STAG1: variants seen among roughly 807,000 people sequenced by gnomAD.
STAG1 encodes the protein STAG1 cohesin complex component, also known as cohesin subunit SA-1.
A neutral mutation model predicts 170.9 loss-of-function variants in STAG1; 26 were observed. That is an observed-to-expected ratio of 0.15 (90% CI 0.11 to 0.21). The LOEUF (loss-of-function observed/expected upper bound fraction) is 0.21, where lower values mean the gene tolerates loss of function less well. Ranked by LOEUF, STAG1 falls within the 10% of genes least tolerant of loss-of-function variation. STAG1 has a pLI of 1.00. For missense variants in STAG1, 964 were observed against 1,509.5 expected (o/e 0.64, Z 5.99); for synonymous variants, 514 against 497.7 (o/e 1.03, Z -0.44).
Position 136,417,910 on chromosome 3 carries a change from A to G in STAG1, c.2171T>C (p.Ile724Thr), listed in dbSNP as rs757518149. 1.9e-6 allele frequency: 3 copies of G among 1,614,012 alleles called. No individual in the cohort carries two copies. The South Asian group carries it at 3.3e-5, about 18-fold the overall frequency. Residue 724 changes from isoleucine (I) to threonine (T), a missense_variant, in exon 21 of 34, where the codon ATT (isoleucine) becomes ACT (threonine). Ile to Thr is a moderately conservative substitution (Grantham distance 89). Around this residue, in one of 11 missense-constraint regions of STAG1, gnomAD observed 232 missense variants for 313.0 expected, o/e 0.74. Transcript: ENST00000383202. ...GNCYRLLKTG[I>T]EHGAMPEQIV... is the part of the protein sequence containing the mutation. ...CTGTTCTGGCATGGCTCCATGTTCAATTCCAGTCTTCAATAATCTGTAGCA... is the reference window on the plus strand; with the variant it reads ...CTGTTCTGGCATGGCTCCATGTTCAGTTCCAGTCTTCAATAATCTGTAGCA...
At position 136,405,258 on chromosome 3, in the gene STAG1, T is replaced by TC. The variant is rs1388845049; in HGVS notation, c.2197-6430_2197-6429insG. Among the ~76,000 whole-genome samples the TC allele has an allele frequency of 5.0e-3, 577 of 115,682 alleles. 9 individuals carry two copies. Among genetic ancestry groups the TC allele is most frequent in the African/African-American group, 0.018 (515 of 29,340 alleles). The allele number at this position is 115,682 out of a possible 152,430, so 75.9% of individuals were successfully genotyped here. The stretch of plus-strand genomic sequence containing the variant: ...TTTTTTTTTTTTTTTTTTTTTTTTT[T>TC]TCAGACGAAGTCTCACTCTGTTGCC... On this transcript the variant is annotated intron_variant, in intron 21 of 33. Coordinates refer to ENST00000383202, the MANE Select transcript of STAG1 (RefSeq NM_005862.3).
intron 16 of STAG1, among the ~76,000 whole-genome samples, chr3:136,429,552 C>A (rs1227332347): frequency 6.6e-6 from 1 of 152,112 alleles, no homozygotes; most frequent in Non-Finnish European, 1.5e-5. Flanking sequence ...CAGAAGAGTT[C>A]CAATTATTTA....
intron 1 of STAG1, among the ~76,000 whole-genome samples, chr3:136,650,683 G>A (rs948717661): frequency 4.9e-4 from 74 of 152,228 alleles, no homozygotes; most frequent in Non-Finnish European, 3.2e-4. Context: ...CACAGTGGTG[G>A]AAAGGACAGA....
chr3:136,613,641 C>T (rs1559909997), intron 3 of STAG1, among the ~76,000 whole-genome samples: 1 of 152,020 alleles, frequency 6.6e-6, no homozygotes, highest in Non-Finnish European at 1.5e-5. Flanking sequence ...TGTGTGCCAC[C>T]ACACCCAGGT....
chr3:136,465,689 C>G (rs2089435545), intron 12 of STAG1, among the ~76,000 whole-genome samples: 1 of 150,910 alleles, frequency 6.6e-6, no homozygotes, highest in African/African-American at 2.4e-5. Context: ...TTCTAGGACT[C>G]AGAATAAGAG....
At chr3:136,669,821 T>C (rs1941924756) in intron 1 of STAG1, among the ~76,000 whole-genome samples, 1 of 152,238 alleles carries the variant, frequency 6.6e-6, no homozygotes, top group African/African-American at 2.4e-5. Context: ...TGTGGCTTTC[T>C]ATTAACTAGT....
intron 6 of STAG1, among the ~76,000 whole-genome samples, chr3:136,539,105 G>C (rs551613145): frequency 6.6e-6 from 1 of 151,580 alleles, no homozygotes; most frequent in South Asian, 2.1e-4. Context: ...TTGCACTCTA[G>C]CCTGGGCGAC....
chr3:136,564,810 C>G (rs1407168799), intron 5 of STAG1, among the ~76,000 whole-genome samples: 1 of 151,762 alleles, frequency 6.6e-6, no homozygotes. Flanking sequence ...AAAACCAACC[C>G]ATACACAAAA....
At chr3:136,731,463 T>G (rs1379819275) in intron 1 of STAG1, among the ~76,000 whole-genome samples, 1 of 152,172 alleles carries the variant, frequency 6.6e-6, no homozygotes, top group Non-Finnish European at 1.5e-5. Flanking sequence ...TTAGGCAGGG[T>G]ACCAATTCTA....
intron 1 of STAG1, among the ~76,000 whole-genome samples, chr3:136,684,203 G>A (rs1265675086): frequency 2.0e-5 from 3 of 152,106 alleles, no homozygotes; most frequent in Non-Finnish European, 2.9e-5. Flanking sequence ...GAGGCCAAAG[G>A]TCTAAAGTAG....
intron 26 of STAG1, among the ~76,000 whole-genome samples, chr3:136,360,857 A>G (rs1384474501): frequency 2.6e-5 from 4 of 151,978 alleles, no homozygotes; most frequent in Non-Finnish European, 5.9e-5. Context: ...TTTAGTAGAG[A>G]GGGGGTTTCA....
intron 1 of STAG1, among the ~76,000 whole-genome samples, chr3:136,717,373 T>G (rs1312760916): frequency 6.6e-6 from 1 of 152,152 alleles, no homozygotes. Context: ...CAATTCTAAA[T>G]AATATGGAGG....
At chr3:136,685,087 G>A (rs1418292806) in intron 1 of STAG1, among the ~76,000 whole-genome samples, 2 of 152,134 alleles carry the variant, frequency 1.3e-5, no homozygotes, top group African/African-American at 4.8e-5. Flanking sequence ...AGCCAAGGCA[G>A]GTGGATCACC....
At chr3:136,569,884 A>T (rs940067820) in intron 4 of STAG1, among the ~76,000 whole-genome samples, 1 of 152,122 alleles carries the variant, frequency 6.6e-6, no homozygotes, top group Admixed American at 6.5e-5. Context: ...TTCTGAATTT[A>T]AAAAAAGATT....
At chr3:136,419,625 T>TG (rs2087890126) in intron 20 of STAG1, among the ~76,000 whole-genome samples, 2 of 52,144 alleles carry the variant, frequency 3.8e-5, no homozygotes, top group African/African-American at 7.3e-5. Context: ...TTGTGTGTGT[T>TG]TTTTTTTTTT....
At chr3:136,619,314 G>C (rs1300043863) in intron 3 of STAG1, among the ~76,000 whole-genome samples, 1 of 149,200 alleles carries the variant, frequency 6.7e-6, no homozygotes, top group African/African-American at 2.5e-5. Context: ...AATAGCAGAA[G>C]ACACACTAGA....
chr3:136,540,822 C>CAAAAAAACAAAAAAAAAA (rs1935854279), intron 6 of STAG1, among the ~76,000 whole-genome samples: 1 of 46,276 alleles, frequency 2.2e-5, no homozygotes, highest in Non-Finnish European at 4.4e-5. Flanking sequence ...ACTGTGTCTC[C>CAAAAAAACAAAAAAAAAA]AAAAAAAAAA....
intron 2 of STAG1, among the ~76,000 whole-genome samples, chr3:136,627,065 C>A (rs1024251025): frequency 5.9e-5 from 9 of 152,152 alleles, no homozygotes; most frequent in Non-Finnish European, 8.8e-5. Context: ...TGAAACTAAC[C>A]TATTCTTCAG....
At chr3:136,449,731 C>T (rs1447130209) in intron 14 of STAG1, among the ~76,000 whole-genome samples, 1 of 152,030 alleles carries the variant, frequency 6.6e-6, no homozygotes, top group Non-Finnish European at 1.5e-5. Context: ...AGACAAAACG[C>T]CTGAAACTAA....
Sources: gnomAD v4.1 joint callset for allele counts (sites outside exome capture counted in the v4.1 genomes callset) on GRCh38, gnomAD v4.1.1 for gene constraint, gnomAD v4.1.1 regional missense constraint, MANE v1.5 for transcripts, NCBI Gene and HGNC (gene_info 2026-07-23, HGNC 2026-07-21) for gene names.